The following XPR1 variants were observed in gnomAD, a reference collection of about 807,000 sequenced individuals.
XPR1 encodes the protein solute carrier family 53 member 1.
XPR1 carries 28 observed loss-of-function variants against 87.5 expected under a neutral mutation model. The ratio of observed to expected loss-of-function variants is 0.32; its 90% CI spans 0.24 to 0.44. XPR1 has a LOEUF of 0.44. Among genes scored for constraint, XPR1 ranks in the 20% least tolerant of loss-of-function variants. The probability of loss-of-function intolerance (pLI) is 1.00; values close to 1 mark genes in which losing one functional copy is unlikely to be tolerated. For synonymous variants in XPR1, 300 were observed against 306.1 expected (o/e 0.98, Z 0.21); for missense variants, 559 against 862.3 (o/e 0.65, Z 4.41).
chr1:180,678,967 G>A (rs532021587), intron 1 of XPR1, among the ~76,000 whole-genome samples: 6 of 151,916 alleles, frequency 3.9e-5, no homozygotes, highest in South Asian at 2.1e-4. Context: ...AGGCCGAGGC[G>A]GGTGGATCAC....
intron 2 of XPR1, among the ~76,000 whole-genome samples, chr1:180,767,418 G>T (rs886394895): frequency 1.3e-5 from 2 of 152,136 alleles, no homozygotes; most frequent in Non-Finnish European, 2.9e-5. Flanking sequence ...GGATGGATCT[G>T]TTCAGTCATT....
At chr1:180,694,773 G>GCGCACACACACACACACA (rs1553237455) in intron 2 of XPR1, among the ~76,000 whole-genome samples, 5 of 149,512 alleles carry the variant, frequency 3.3e-5, no homozygotes, top group Non-Finnish European at 7.4e-5. Flanking sequence ...ATTGTTGTGT[G>GCGCACACACACACACACA]CACACACACA....
intron 2 of XPR1, among the ~76,000 whole-genome samples, chr1:180,726,417 G>A (rs1000357821): frequency 1.3e-5 from 2 of 152,142 alleles, no homozygotes; most frequent in African/African-American, 2.4e-5. Flanking sequence ...TTTAAGAGCT[G>A]TAACACTCAC....
intron 11 of XPR1, among the ~76,000 whole-genome samples, chr1:180,838,103 C>T (rs1651368433): frequency 6.6e-6 from 1 of 152,132 alleles, no homozygotes; most frequent in Non-Finnish European, 1.5e-5. Context: ...TGCCTGGAAG[C>T]CGTACTGATA....
At chr1:180,829,539 ACTT>A (rs755862944) in intron 9 of XPR1, among the ~76,000 whole-genome samples, 11 of 152,218 alleles carry the variant, frequency 7.2e-5, no homozygotes, top group African/African-American at 2.2e-4. Context: ...TGACAGAGTG[ACTT>A]CTTCTTTTCT....
chr1:180,729,681 T>G (rs977910734), intron 2 of XPR1, among the ~76,000 whole-genome samples: 1 of 152,384 alleles, frequency 6.6e-6, no homozygotes, highest in Middle Eastern at 3.4e-3. Context: ...CATATACTTG[T>G]TGGCCATGTG....
At chr1:180,687,893 A>G (rs919623838) in intron 2 of XPR1, among the ~76,000 whole-genome samples, 4 of 151,548 alleles carry the variant, frequency 2.6e-5, no homozygotes, top group Non-Finnish European at 5.9e-5. Flanking sequence ...CTACTCTTCT[A>G]TGTAATCACT....
At chr1:180,853,663 A>C (rs1332607177) in intron 11 of XPR1, among the ~76,000 whole-genome samples, 1 of 148,354 alleles carries the variant, frequency 6.7e-6, no homozygotes, top group South Asian at 2.1e-4. Context: ...ACACACACAC[A>C]CACACCCTAC....
intron 1 of XPR1, among the ~76,000 whole-genome samples, chr1:180,663,907 G>A (rs1009308744): frequency 7.9e-5 from 12 of 151,998 alleles, no homozygotes; most frequent in Non-Finnish European, 1.5e-5. Context: ...GTCTCCCCAT[G>A]TCCACCAACA....
chr1:180,815,205 A>G (rs754896378), intron 7 of XPR1, among the ~76,000 whole-genome samples: 5 of 152,008 alleles, frequency 3.3e-5, no homozygotes, highest in Admixed American at 6.6e-5. Context: ...TAAAAAATAC[A>G]TTTTTCCATT....
intron 2 of XPR1, among the ~76,000 whole-genome samples, chr1:180,734,157 A>G (rs926360167): frequency 6.6e-6 from 1 of 152,152 alleles, no homozygotes; most frequent in Non-Finnish European, 1.5e-5. Flanking sequence ...AGTGTTGGAC[A>G]TGTTAAGTTT....
At chr1:180,743,412 G>A (rs1005711780) in intron 2 of XPR1, among the ~76,000 whole-genome samples, 2 of 151,786 alleles carry the variant, frequency 1.3e-5, no homozygotes, top group Non-Finnish European at 2.9e-5. Flanking sequence ...ACACCAAATA[G>A]GTCTCTTTCC....
chr1:180,685,247 G>A (rs1177574257), intron 2 of XPR1, among the ~76,000 whole-genome samples: 1 of 152,150 alleles, frequency 6.6e-6, no homozygotes, highest in Non-Finnish European at 1.5e-5. Context: ...AGATAATCAT[G>A]TGATTTTTGT....
chr1:180,632,390 G>A, intron 1 of XPR1, 120 bp downstream of exon 1: 2 of 1,315,206 alleles, frequency 1.5e-6, no homozygotes, highest in African/African-American at 1.5e-5. Context: ...TTGACCCGCT[G>A]CCGCGGGGAG....
At position 180,880,209 on chromosome 1, in the gene XPR1, C is replaced by G; in HGVS notation, c.1942C>G (p.Gln648Glu). The G allele has an allele frequency of 6.2e-7, 1 of 1,614,148 alleles. No homozygotes were observed. Among genetic ancestry groups the G allele is most frequent in the Non-Finnish European group, 8.5e-7 (1 of 1,180,022 alleles). Residue 648 changes from glutamine (Q) to glutamate (E), a missense_variant, in exon 14 of 15, where the codon CAG becomes GAG. Transcript: ENST00000367590. ...GACTCTCCTAGAACAGATGATGGAC[C>G]AGGATGATGGGGTACGAAACCGCCA... is the stretch of plus-strand genomic sequence containing the variant. ...DQTLLEQMMD[Q>E]DDGVRNRQKN...
At chr1:180,778,012 C>A (rs1178477301) in intron 2 of XPR1, among the ~76,000 whole-genome samples, 1 of 152,100 alleles carries the variant, frequency 6.6e-6, no homozygotes, top group African/African-American at 2.4e-5. Flanking sequence ...GAGACAGGGT[C>A]TTAGTCTGTC....
rs890810768 is a variant in XPR1 at position 180,879,926 on chromosome 1, C to G, written c.1809-150C>G. ...CCTTACCCCCCCACCACCACCTCCCCGCAACACCATCTTTCCCTATTTTAA... is the reference window on the plus strand; with the variant it reads ...CCTTACCCCCCCACCACCACCTCCCGGCAACACCATCTTTCCCTATTTTAA... On this transcript the variant is annotated intron_variant, in intron 13 of 14. Coordinates refer to ENST00000367590, the MANE Select transcript of XPR1 (RefSeq NM_004736.4). 17 of 814,798 alleles carry G rather than the reference C, an allele frequency of 2.1e-5. 1 individual carries two copies. In the South Asian group the frequency reaches 3.1e-4, roughly 15 times the overall value. 50.5% of individuals were successfully genotyped at this position (814,798 alleles called of 1,614,324 possible).
intron 2 of XPR1, among the ~76,000 whole-genome samples, chr1:180,777,527 A>G (rs1165703155): frequency 6.6e-6 from 1 of 152,218 alleles, no homozygotes; most frequent in Non-Finnish European, 1.5e-5. Flanking sequence ...ATTGCCTGGT[A>G]CATAGGAGGG....
intron 1 of XPR1, among the ~76,000 whole-genome samples, chr1:180,679,420 A>G (rs1656486142): frequency 1.3e-5 from 2 of 152,156 alleles, no homozygotes; most frequent in African/African-American, 2.4e-5. Context: ...AAAATTCTAT[A>G]ATGCGCAGAG....
Sources: gnomAD v4.1 joint callset for allele counts (sites outside exome capture counted in the v4.1 genomes callset) on GRCh38, gnomAD v4.1.1 for gene constraint, MANE v1.5 for transcripts, NCBI Gene and HGNC (gene_info 2026-07-23, HGNC 2026-07-21) for gene names.